UFSP2: variants seen among roughly 807,000 people sequenced by gnomAD.
The protein encoded by UFSP2 is UFM1 specific peptidase 2.
In UFSP2, 43 loss-of-function variants were observed where a neutral mutation model predicts 60.2. The ratio of observed to expected loss-of-function variants is 0.71; its 90% CI spans 0.56 to 0.92. The LOEUF (loss-of-function observed/expected upper bound fraction) is 0.92, where lower values mean the gene tolerates loss of function less well. UFSP2 is among the 40% of genes least tolerant of loss of function. UFSP2 has a pLI of 0.00. For synonymous variants in UFSP2, 183 were observed against 195.1 expected (o/e 0.94, Z 0.52); for missense variants, 520 against 575.0 (o/e 0.90, Z 0.98).
rs141887497 is a variant in UFSP2, at chr4:185,425,953, C to T, written c.-85G>A. 2 of 1,513,874 alleles carry T rather than the reference C, an allele frequency of 1.3e-6. No individual in the cohort carries two copies. Among genetic ancestry groups the T allele is most frequent in the African/African-American group, 2.7e-5 (2 of 72,882 alleles). The allele number at this position is 1,513,874 out of a possible 1,614,324, so 93.8% of individuals were successfully genotyped here. On this transcript the variant is annotated 5_prime_UTR_variant, in exon 1 of 12. Coordinates refer to ENST00000264689, the MANE Select transcript of UFSP2 (RefSeq NM_018359.5). ...CCTGAAGTGGTGTCACCGCACGGCC[C>T]AGGGGCGGGGCCCGGGCGGACCAAC...
At position 185,410,239 on chromosome 4, in the gene UFSP2, C is replaced by T. The variant is rs2095526894; in HGVS notation, c.832-1804G>A. 2.0e-5 allele frequency among the ~76,000 whole-genome samples: 3 copies of T among 151,802 alleles called. No homozygotes were observed. The South Asian group carries it at 6.2e-4, about 32-fold the overall frequency. On this transcript the variant is annotated intron_variant, in intron 7 of 11. Coordinates refer to ENST00000264689, the MANE Select transcript of UFSP2 (RefSeq NM_018359.5). ...AATAATACATGGACAAAAGAAAAACCATAATAGAAAAATATAAAAATACTT... is the reference window on the plus strand; with the variant it reads ...AATAATACATGGACAAAAGAAAAACTATAATAGAAAAATATAAAAATACTT...
intron 10 of UFSP2, among the ~76,000 whole-genome samples, chr4:185,403,819 AC>A (rs2095516181): frequency 6.6e-6 from 1 of 151,984 alleles, no homozygotes; most frequent in Non-Finnish European, 1.5e-5. Flanking sequence ...CTAAAAAAAT[AC>A]AAAAAAAATA....
chr4:185,403,440 T>C (rs974568002), intron 11 of UFSP2, 54 bp downstream of exon 11: 1 of 1,592,090 alleles, frequency 6.3e-7, no homozygotes, highest in African/African-American at 1.3e-5. Context: ...TTTGTGATCC[T>C]TCATTTCTAG....
intron 10 of UFSP2, among the ~76,000 whole-genome samples, chr4:185,405,486 A>T: frequency 6.6e-6 from 1 of 152,218 alleles, no homozygotes; most frequent in East Asian, 1.9e-4. Context: ...GTCATGACTT[A>T]CGAAGCTCAG....
At chr4:185,415,972 T>C in intron 4 of UFSP2, 105 bp from the exon 5 acceptor site, 4 of 964,312 alleles carry the variant, frequency 4.1e-6, no homozygotes, top group Non-Finnish European at 5.8e-6. Context: ...AAGAAAAAAA[T>C]TTAAGACTAG....
At chr4:185,405,487 C>A (rs185997808) in intron 10 of UFSP2, among the ~76,000 whole-genome samples, 168 of 152,284 alleles carry the variant, frequency 1.1e-3, no homozygotes, top group African/African-American at 3.8e-3. Flanking sequence ...TCATGACTTA[C>A]GAAGCTCAGC....
chr4:185,415,609 A>G, intron 5 of UFSP2, 101 bp downstream of exon 5: 2 of 1,099,108 alleles, frequency 1.8e-6, no homozygotes, highest in Non-Finnish European at 2.6e-6. Flanking sequence ...ATAATAAACA[A>G]GGAGAAAATC....
At chr4:185,423,749 ATTGT>A (rs1327353000) in intron 1 of UFSP2, among the ~76,000 whole-genome samples, 2 of 152,192 alleles carry the variant, frequency 1.3e-5, no homozygotes, top group East Asian at 1.9e-4. Flanking sequence ...GACATGTATC[ATTGT>A]TTGTGTACAC....
At chr4:185,424,179 CACCTGTAGTCCAGCT>C (rs1561124209) in intron 1 of UFSP2, among the ~76,000 whole-genome samples, 2 of 150,970 alleles carry the variant, frequency 1.3e-5, no homozygotes, top group Non-Finnish European at 2.9e-5. Context: ...TGGTGGTCTG[CACCTGTAGTCCAGCT>C]ACTCGGGAGG....
At position 185,423,507 on chromosome 4, in the gene UFSP2, AAC is replaced by A. The variant is rs1389897465; in HGVS notation, c.4-946_4-945del. ...GACTTAGTCTAAGAAAAATCTGAAA[AAC>A]ACACAAAGATTCGGGTACATGGATA... On this transcript the variant is annotated intron_variant, in intron 1 of 11. Transcript: ENST00000264689. Among the ~76,000 whole-genome samples the A allele has an allele frequency of 4.6e-5, 7 of 152,320 alleles. No individual in the cohort carries two copies. The East Asian group carries it at 1.3e-3, about 29-fold the overall frequency.
rs73873442 is a variant in UFSP2, at chr4:185,405,868, C to G, written c.1122-12G>C. 1.2e-6 allele frequency: 2 copies of G among 1,613,834 alleles called. No individual in the cohort carries two copies. The highest frequency in any genetic ancestry group is 2.7e-5 in the African/African-American group (2 of 74,920). On this transcript the variant is annotated splice_polypyrimidine_tract_variant and intron_variant, in intron 9 of 11. Coordinates refer to ENST00000264689, the MANE Select transcript of UFSP2 (RefSeq NM_018359.5). ...TTTCTGAACCTTGGCTAGAAAGAAACCATTTTCTATCAGATGAACTACTTC... is the reference window on the plus strand; with the variant it reads ...TTTCTGAACCTTGGCTAGAAAGAAAGCATTTTCTATCAGATGAACTACTTC...
chr4:185,422,653 C>A, intron 1 of UFSP2, 90 bp from the exon 2 acceptor site: 5 of 810,470 alleles, frequency 6.2e-6, no homozygotes, highest in Non-Finnish European at 9.5e-6. Context: ...AGTGTTAAGA[C>A]ATTAATTAAC....
intron 9 of UFSP2, 130 bp downstream of exon 9, chr4:185,407,806 A>G (rs1356717119): frequency 2.0e-6 from 2 of 985,900 alleles, no homozygotes; most frequent in African/African-American, 3.3e-5. Context: ...TTTATAAAGC[A>G]ATGAGTAATA....
intron 11 of UFSP2, among the ~76,000 whole-genome samples, chr4:185,402,827 G>A (rs1170298641): frequency 6.6e-6 from 1 of 152,174 alleles, no homozygotes; most frequent in Non-Finnish European, 1.5e-5. Context: ...TAGTTTAAAA[G>A]GTGGTTATGT....
chr4:185,403,251 G>T lies in UFSP2; in HGVS notation c.1323+243C>A, dbSNP rs186732737. ...TCCAAAGGAATATATTTATGAGTGT[G>T]TGTCCTATTATTAATTTTAATAGCT... On this transcript the variant is annotated intron_variant, in intron 11 of 11. Coordinates refer to ENST00000264689, the MANE Select transcript of UFSP2 (RefSeq NM_018359.5). Among the ~76,000 whole-genome samples, 170 of 152,328 alleles carry T rather than the reference G, an allele frequency of 1.1e-3. 3 individuals are homozygous for T. The highest frequency in any genetic ancestry group is 6.8e-3 in the Middle Eastern group (2 of 294).
chr4:185,408,294 G>A lies in UFSP2; in HGVS notation c.973C>T (p.Pro325Ser), dbSNP rs368535423. Reference protein sequence around the residue: ...KHQGYTERSIPTHREIQQALV... With the variant: ...KHQGYTERSISTHREIQQALV... ...ACCTGCTGAATTTCTCTGTGTGTTG[G>A]AATGGACCTCTCTGTGTATCCCTGA... Residue 325 changes from proline (P) to serine (S), a missense_variant, in exon 8 of 12, where the codon CCA becomes TCA. Physicochemically the swap from Pro to Ser is moderately conservative, Grantham distance 74. Transcript: ENST00000264689. The A allele has an allele frequency of 2.5e-6, 4 of 1,613,982 alleles. No individual in the cohort carries two copies. The African/African-American group carries it at 5.3e-5, about 22-fold the overall frequency.
In UFSP2 at chr4:185,400,129, G is replaced by T; in HGVS notation, c.*263C>A. 2 of 1,031,644 alleles carry T rather than the reference G, an allele frequency of 1.9e-6. No homozygotes were observed. The highest frequency in any genetic ancestry group is 4.9e-5 in the East Asian group (2 of 40,604). 63.9% of individuals were successfully genotyped at this position (1,031,644 alleles called of 1,614,324 possible). ...TGTCTAATCTCCTTCTGAGAAGGAC[G>T]AAAAACTTTCTTCCAAGTGAAGATC... On this transcript the variant is annotated 3_prime_UTR_variant, in exon 12 of 12. Transcript: ENST00000264689.
rs545340571 is a variant in UFSP2 at position 185,399,927 on chromosome 4, G to A, written c.*465C>T. On this transcript the variant is annotated 3_prime_UTR_variant, in exon 12 of 12. Coordinates refer to ENST00000264689, the MANE Select transcript of UFSP2 (RefSeq NM_018359.5). The stretch of plus-strand genomic sequence containing the variant: ...TACTGGTTATACTTACCAGAGTCTA[G>A]AGACCAAAAATGGGACTGCATGGTG... The A allele has an allele frequency of 1.0e-5, 16 of 1,553,314 alleles. No individual in the cohort carries two copies. In the South Asian group the frequency reaches 1.6e-4, roughly 15 times the overall value.
At chr4:185,425,127 G>A (rs2095557067) in intron 1 of UFSP2, among the ~76,000 whole-genome samples, 1 of 152,172 alleles carries the variant, frequency 6.6e-6, no homozygotes, top group African/African-American at 2.4e-5. Context: ...GCATCTATAG[G>A]ACTTGATTAT....
Sources: allele counts gnomAD v4.1 joint callset (sites outside exome capture counted in the v4.1 genomes callset), GRCh38; gene constraint gnomAD v4.1.1; transcripts MANE v1.5; gene names NCBI Gene and HGNC (gene_info 2026-07-23, HGNC 2026-07-21).